The following ZNFX1 variants were observed in gnomAD, a reference collection of about 807,000 sequenced individuals.
The protein encoded by ZNFX1 is zinc finger NFX1-type containing 1.
ZNFX1 carries 78 observed loss-of-function variants against 179.8 expected under a neutral mutation model. The ratio of observed to expected loss-of-function variants is 0.43; its 90% CI spans 0.36 to 0.52. The LOEUF (loss-of-function observed/expected upper bound fraction) is 0.52. ZNFX1 is among the 20% of genes least tolerant of loss of function. The pLI is 0.00. For synonymous variants in ZNFX1, 848 were observed against 868.5 expected (o/e 0.98, Z 0.42); for missense variants, 1,927 against 2,386.6 (o/e 0.81, Z 4.01).
At position 49,271,030 on chromosome 20, in the gene ZNFX1, C is replaced by G; in HGVS notation, c.782G>C (p.Ser261Thr). 2 of 1,614,108 alleles carry G rather than the reference C, an allele frequency of 1.2e-6. No homozygotes were observed. Among genetic ancestry groups the G allele is most frequent in the Non-Finnish European group, 1.7e-6 (2 of 1,180,012 alleles). The change falls in exon 3 of 14, where the codon AGC becomes ACC. Residue 261 changes from serine to threonine, a missense_variant. Coordinates refer to ENST00000396105, the MANE Select transcript of ZNFX1 (RefSeq NM_021035.3). Reference protein sequence around the residue: ...LQDLVSVFPASSVQETSMLVS... With the variant: ...LQDLVSVFPATSVQETSMLVS... ...CAGCATGGAAGTTTCCTGCACAGAG[C>G]TGGCAGGGAAGACACTTACAAGGTC...
intron 2 of ZNFX1, among the ~76,000 whole-genome samples, chr20:49,274,173 T>C (rs1173078376): frequency 6.6e-6 from 1 of 152,248 alleles, no homozygotes; most frequent in Admixed American, 6.5e-5. Context: ...ACAAAGCCAT[T>C]AGCCACATGT....
chr20:49,269,459 A>T (rs1019473550), intron 3 of ZNFX1, among the ~76,000 whole-genome samples: 3 of 152,212 alleles, frequency 2.0e-5, no homozygotes, highest in Non-Finnish European at 4.4e-5. Flanking sequence ...AGGCAGGTGG[A>T]TCACCTGAGG....
At chr20:49,273,521 T>C (rs1279601600) in intron 2 of ZNFX1, among the ~76,000 whole-genome samples, 2 of 152,216 alleles carry the variant, frequency 1.3e-5, no homozygotes, top group African/African-American at 4.8e-5. Flanking sequence ...GTTACTTACA[T>C]ATTTACTTTT....
rs1568980716 is a variant in ZNFX1 at position 49,248,834 on chromosome 20, AGCT to A, written c.4187_4189del (p.Gln1396del). 6.2e-7 allele frequency: 1 copy of A among 1,613,436 alleles called. No homozygotes were observed. The highest frequency in any genetic ancestry group is 1.7e-5 in the Admixed American group (1 of 60,006). ...TTTTATGGTGACCATTTCTGAACACAGCTGCACACAGTCCTCACCACATGGGTG... is the reference window on the plus strand; with the variant it reads ...TTTTATGGTGACCATTTCTGAACACAGCACACAGTCCTCACCACATGGGTG... On this transcript the variant is annotated inframe_deletion, in exon 14 of 14. Coordinates refer to ENST00000396105, the MANE Select transcript of ZNFX1 (RefSeq NM_021035.3). This position sits in a 1 kb window ranked among gnomAD's most constrained non-coding sequence, Gnocchi z 4.6.
Position 49,261,567 on chromosome 20 carries a change from G to C in ZNFX1, c.2302-990C>G, listed in dbSNP as rs1157009383. Reference sequence around the variant, plus strand: ...GCCTATTGAAGGGTGGAGGATGGGAGGAGGGAGAGGAGCAGGAAAAATAAC... The same window carrying C: ...GCCTATTGAAGGGTGGAGGATGGGACGAGGGAGAGGAGCAGGAAAAATAAC... On this transcript the variant is annotated intron_variant, in intron 6 of 13. Coordinates refer to ENST00000396105, the MANE Select transcript of ZNFX1 (RefSeq NM_021035.3). Among the ~76,000 whole-genome samples the C allele has an allele frequency of 2.6e-5, 4 of 152,274 alleles. No individual in the cohort carries two copies. The East Asian group carries it at 7.7e-4, about 29-fold the overall frequency.
Position 49,270,498 on chromosome 20 carries a change from C to T in ZNFX1, c.1314G>A (p.Lys438=), listed in dbSNP as rs780548071. 3 of 1,614,246 alleles carry T rather than the reference C, an allele frequency of 1.9e-6. No homozygotes were observed. Among genetic ancestry groups the T allele is most frequent in the Non-Finnish European group, 2.5e-6 (3 of 1,180,048 alleles). The change falls in exon 3 of 14, where the codon AAG becomes AAA. Residue 438 remains lysine, a synonymous_variant. Coordinates refer to ENST00000396105, the MANE Select transcript of ZNFX1 (RefSeq NM_021035.3). This position sits in a 1 kb window ranked among gnomAD's most constrained non-coding sequence, Gnocchi z 4.6. The part of the protein sequence containing the change: ...YKVQFDTKPL[K]FVRWQNSKRL... Reference sequence around the variant, plus strand: ...GTTTGGAATTCTGCCAGCGAACAAACTTCAGTGGTTTTGTGTCAAACTGCA... The same window carrying T: ...GTTTGGAATTCTGCCAGCGAACAAATTTCAGTGGTTTTGTGTCAAACTGCA...
chr20:49,269,186 A>C lies in ZNFX1; in HGVS notation c.1870+756T>G, dbSNP rs139804658. On this transcript the variant is annotated intron_variant, in intron 3 of 13. Transcript: ENST00000396105. ...GAATACTATGCAGCTATGAAAAAGA[A>C]GAAAATCATGTCCTTTGCAGCAAAG... Among the ~76,000 whole-genome samples, 147 of 152,370 alleles carry C rather than the reference A, an allele frequency of 9.6e-4. 1 individual carries two copies. Among genetic ancestry groups the C allele is most frequent in the African/African-American group, 3.5e-3 (147 of 41,598 alleles).
chr20:49,261,952 GAC>G (rs1299035505), intron 6 of ZNFX1, among the ~76,000 whole-genome samples: 1 of 150,760 alleles, frequency 6.6e-6, no homozygotes, highest in African/African-American at 2.4e-5. Context: ...TTGGCCTCAT[GAC>G]ACAAGTTTAC....
intron 1 of ZNFX1, among the ~76,000 whole-genome samples, chr20:49,276,493 A>G (rs752569295): frequency 6.6e-6 from 1 of 152,236 alleles, no homozygotes; most frequent in East Asian, 1.9e-4. Flanking sequence ...AATAACCAGG[A>G]GGTTTGGCAA....
intron 4 of ZNFX1, 103 bp from the exon 5 acceptor site, chr20:49,264,967 A>T: frequency 6.6e-7 from 1 of 1,511,398 alleles, no homozygotes; most frequent in South Asian, 1.2e-5. Flanking sequence ...CCCTTAGAGA[A>T]TAAACTTGTG....
chr20:49,270,702 A>C lies in ZNFX1; in HGVS notation c.1110T>G (p.Asp370Glu), dbSNP rs756422087. The change falls in exon 3 of 14, where the codon GAT (aspartate) becomes GAG (glutamate). Residue 370 changes from aspartate to glutamate, a missense_variant. Asp to Glu is a conservative substitution (Grantham distance 45, BLOSUM62 2). Coordinates refer to ENST00000396105, the MANE Select transcript of ZNFX1 (RefSeq NM_021035.3). The surrounding 1 kb of genome is among the most constrained non-coding windows in gnomAD (Gnocchi z 4.6). ...GKYDSTAIYLDTHFRLLREDF... is the reference protein window; with the variant it reads ...GKYDSTAIYLETHFRLLREDF... ...CTTCTCGCAGGAGCCGGAAGTGGGT[A>C]TCCAGATAGATAGCAGTGCTGTCGT... The C allele has an allele frequency of 1.2e-6, 2 of 1,614,084 alleles. No individual in the cohort carries two copies. Among genetic ancestry groups the C allele is most frequent in the African/African-American group, 2.7e-5 (2 of 74,922 alleles).
intron 2 of ZNFX1, among the ~76,000 whole-genome samples, chr20:49,274,509 G>GGTGGAT (rs1981502743): frequency 6.6e-6 from 1 of 152,192 alleles, no homozygotes; most frequent in South Asian, 2.1e-4. Context: ...TGTAATGCTA[G>GGTGGAT]CACTTTGGGA....
chr20:49,247,034 A>G lies in ZNFX1; in HGVS notation c.*233T>C, dbSNP rs1980692712. The stretch of plus-strand genomic sequence containing the variant: ...CAGGCGCCCGCCATAACGCCCAGCT[A>G]ATTTTTGTATTTTTAGTAGAGACGG... On this transcript the variant is annotated 3_prime_UTR_variant, in exon 14 of 14. Transcript: ENST00000396105. 3 of 503,630 alleles carry G rather than the reference A, an allele frequency of 6.0e-6. No homozygotes were observed. The highest frequency in any genetic ancestry group is 6.6e-5 in the Admixed American group (2 of 30,368). The allele number at this position is 503,630 out of a possible 1,614,324, so 31.2% of individuals were successfully genotyped here. A position where few individuals can be genotyped will look rare whatever the true frequency, so the allele number is the denominator to read the frequency against.
At chr20:49,258,349 A>G (rs1422205981) in intron 7 of ZNFX1, among the ~76,000 whole-genome samples, 1 of 151,880 alleles carries the variant, frequency 6.6e-6, no homozygotes, top group Non-Finnish European at 1.5e-5. Context: ...CGGCCTCCCA[A>G]AGTGCTGGGA....
At chr20:49,269,842 TA>T in intron 3 of ZNFX1, 99 bp downstream of exon 3, 1 of 1,399,338 alleles carries the variant, frequency 7.1e-7, no homozygotes, top group Non-Finnish European at 9.6e-7. Flanking sequence ...GAAAATAAAA[TA>T]AGTAAATAAG....
intron 13 of ZNFX1, 26 bp from the exon 14 acceptor site, chr20:49,249,737 T>TA: frequency 6.3e-7 from 1 of 1,589,054 alleles, no homozygotes; most frequent in Non-Finnish European, 8.6e-7. Flanking sequence ...AGTGACATGT[T>TA]AAAAGGTTCA....
In ZNFX1 at chr20:49,255,861, G is replaced by A. The variant is rs765864334; in HGVS notation, c.2751C>T (p.Asn917=). The A allele has an allele frequency of 3.7e-6, 6 of 1,614,146 alleles. No individual in the cohort carries two copies. Among genetic ancestry groups the A allele is most frequent in the East Asian group, 4.5e-5 (2 of 44,890 alleles). The change falls in exon 9 of 14, where the codon AAC becomes AAT. Residue 917 remains asparagine (N), a synonymous_variant. Coordinates refer to ENST00000396105, the MANE Select transcript of ZNFX1 (RefSeq NM_021035.3). ...CCAGCTGCCAAACATCCTCGATCTC[G>A]TTGGCCTCGGCTGCAGTCATGGTGT... ...KLNTMTAAEA[N]EIEDVWQLDL...
intron 1 of ZNFX1, among the ~76,000 whole-genome samples, chr20:49,277,322 C>G (rs1464010731): frequency 6.7e-6 from 1 of 148,656 alleles, no homozygotes; most frequent in Non-Finnish European, 1.5e-5. Context: ...GGTCAGGGAG[C>G]GCCAAGGCTG....
In ZNFX1 at chr20:49,247,447, A is replaced by G. The variant is rs761279546; in HGVS notation, c.5577T>C (p.Asp1859=). ...TGCCCCTCTCCATGGCTCCCCCACAATCGCCAATCACATAGATATGGCCAT... is the reference window on the plus strand; with the variant it reads ...TGCCCCTCTCCATGGCTCCCCCACAGTCGCCAATCACATAGATATGGCCAT... ...CRNGHIYVIG[D]CGGAMERGTC... is the part of the protein sequence containing the mutation. Residue 1859 remains aspartate, a synonymous_variant, in exon 14 of 14, where the codon GAT becomes GAC. Transcript: ENST00000396105. The G allele has an allele frequency of 3.1e-6, 5 of 1,614,104 alleles. No individual in the cohort carries two copies. Among genetic ancestry groups the G allele is most frequent in the African/African-American group, 1.3e-5 (1 of 75,026 alleles).
Sources: gnomAD v4.1 joint callset for allele counts (sites outside exome capture counted in the v4.1 genomes callset) on GRCh38, gnomAD v4.1.1 for gene constraint, Gnocchi (gnomAD v3.1) non-coding constraint, MANE v1.5 for transcripts, NCBI Gene and HGNC (gene_info 2026-07-23, HGNC 2026-07-21) for gene names.